Variants in OPCML observed in about 807,000 individuals in gnomAD.
The protein encoded by OPCML is opioid-binding protein/cell adhesion molecule.
A neutral mutation model predicts 37.8 loss-of-function variants in OPCML; 13 were observed. The observed-to-expected ratio is 0.34, with a 90% CI of 0.22 to 0.55. The LOEUF (loss-of-function observed/expected upper bound fraction) is 0.55. Ranked by LOEUF, OPCML falls within the 20% of genes least tolerant of loss-of-function variation. The pLI is 0.91. For synonymous variants in OPCML, 176 were observed against 168.8 expected (o/e 1.04, Z -0.33); for missense variants, 341 against 435.6 (o/e 0.78, Z 1.93).
chr11:133,260,675 T>C (rs1941462909), intron 1 of OPCML, among the ~76,000 whole-genome samples: 1 of 149,486 alleles, frequency 6.7e-6, no homozygotes, highest in African/African-American at 2.6e-5. Context: ...AAACTAAAAA[T>C]TAAATTAAAC....
intron 1 of OPCML, among the ~76,000 whole-genome samples, chr11:133,345,647 T>C (rs772080144): frequency 8.5e-5 from 13 of 152,342 alleles, no homozygotes; most frequent in South Asian, 6.2e-4. Flanking sequence ...TAAACCAAGA[T>C]GTGCTGCTTT....
intron 1 of OPCML, among the ~76,000 whole-genome samples, chr11:133,008,638 G>A (rs1430401664): frequency 6.6e-6 from 1 of 152,192 alleles, no homozygotes; most frequent in African/African-American, 2.4e-5. Context: ...AGGGCTATAT[G>A]GGAGTGGAAG....
At chr11:132,729,714 T>C (rs923577586) in intron 2 of OPCML, among the ~76,000 whole-genome samples, 5 of 152,234 alleles carry the variant, frequency 3.3e-5, no homozygotes, top group African/African-American at 1.2e-4. Flanking sequence ...TGGTTTGCAT[T>C]CAAATGCCTT....
intron 1 of OPCML, among the ~76,000 whole-genome samples, chr11:133,348,817 A>G (rs1003052510): frequency 1.3e-5 from 2 of 152,140 alleles, no homozygotes; most frequent in Non-Finnish European, 2.9e-5. Context: ...ATCGATATTT[A>G]TACCGTAATT....
chr11:132,540,881 A>G (rs2137366818), intron 3 of OPCML, among the ~76,000 whole-genome samples: 1 of 152,320 alleles, frequency 6.6e-6, no homozygotes, highest in South Asian at 2.1e-4. Flanking sequence ...GCAGCAAAAG[A>G]GTCTTTCTTG....
intron 3 of OPCML, among the ~76,000 whole-genome samples, chr11:132,632,927 A>G (rs534107411): frequency 1.2e-4 from 18 of 150,728 alleles, no homozygotes; most frequent in Admixed American, 6.6e-4. Context: ...ATACCTAACT[A>G]ATGATGTTCT....
intron 3 of OPCML, among the ~76,000 whole-genome samples, chr11:132,579,413 G>GTGTGTT: frequency 6.6e-6 from 1 of 151,914 alleles, no homozygotes; most frequent in East Asian, 1.9e-4. Context: ...GTGTGTGTGT[G>GTGTGTT]TGTGATGAGG....
intron 1 of OPCML, among the ~76,000 whole-genome samples, chr11:133,442,820 G>T (rs1006972323): frequency 2.0e-5 from 3 of 151,640 alleles, no homozygotes; most frequent in Non-Finnish European, 4.4e-5. Context: ...ATGAGTTTAT[G>T]TGTAATCATT....
At chr11:132,684,080 C>A (rs1039171691) in intron 2 of OPCML, among the ~76,000 whole-genome samples, 1 of 151,998 alleles carries the variant, frequency 6.6e-6, no homozygotes, top group African/African-American at 2.4e-5. Context: ...ATCCCTTTTG[C>A]AAATAAAGAT....
chr11:133,221,907 A>G (rs2136365097), intron 1 of OPCML, among the ~76,000 whole-genome samples: 1 of 152,342 alleles, frequency 6.6e-6, no homozygotes, highest in East Asian at 1.9e-4. Context: ...AGGAAAAATA[A>G]CTAATGTTCT....
chr11:132,535,319 T>A (rs551770034), intron 3 of OPCML, among the ~76,000 whole-genome samples: 1 of 152,040 alleles, frequency 6.6e-6, no homozygotes, highest in Non-Finnish European at 1.5e-5. Context: ...AGAAATTGGC[T>A]TTTAAAATGT....
intron 1 of OPCML, among the ~76,000 whole-genome samples, chr11:133,014,730 G>T (rs1947287797): frequency 6.6e-6 from 1 of 152,226 alleles, no homozygotes; most frequent in Admixed American, 6.5e-5. Flanking sequence ...GAAGGAGAGA[G>T]AAAGAAGTAA....
intron 1 of OPCML, among the ~76,000 whole-genome samples, chr11:133,502,786 T>A (rs1373334019): frequency 6.6e-6 from 1 of 152,130 alleles, no homozygotes; most frequent in African/African-American, 2.4e-5. Context: ...CCGTTGCCTA[T>A]GTTTAAATGT....
chr11:133,093,752 T>C (rs1316622138), intron 1 of OPCML, among the ~76,000 whole-genome samples: 2 of 150,560 alleles, frequency 1.3e-5, no homozygotes, highest in African/African-American at 2.4e-5. Flanking sequence ...AGGTTCTTCA[T>C]GCTAAGGTTA....
intron 2 of OPCML, among the ~76,000 whole-genome samples, chr11:132,691,505 T>C (rs2135890283): frequency 6.6e-6 from 1 of 152,362 alleles, no homozygotes; most frequent in East Asian, 1.9e-4. Flanking sequence ...CTCTGCAGTG[T>C]CATAGGGCTT....
At position 132,416,962 on chromosome 11, in the gene OPCML, A is replaced by G. The variant is rs1217144762; in HGVS notation, c.*3231T>C. 1 of 152,648 alleles carries G rather than the reference A, an allele frequency of 6.6e-6. No individual in the cohort carries two copies. The highest frequency in any genetic ancestry group is 2.4e-5 in the African/African-American group (1 of 41,452). The allele number at this position is 152,648 out of a possible 1,614,324, so 9.5% of individuals were successfully genotyped here. ...TGGCATTACTTTGGTGGAAGTGCAT[A>G]TGAACTCTGTTTTGGGAAGGGGAAG... On this transcript the variant is annotated 3_prime_UTR_variant, in exon 8 of 8. Transcript: ENST00000524381.
chr11:133,118,501 A>G lies in OPCML; in HGVS notation c.62-175491T>C, dbSNP rs571312744. ...GCCTCCATTTGGTCAAGGAGACAGG[A>G]TGGAGAGAATTGCTCAGTAGCAAGA... On this transcript the variant is annotated intron_variant, in intron 1 of 7. Coordinates refer to ENST00000524381, the MANE Select transcript of OPCML (RefSeq NM_001012393.5). 6.4e-6 allele frequency: 5 copies of G among 778,154 alleles called. No homozygotes were observed. In the South Asian group the frequency reaches 2.3e-4, roughly 36 times the overall value. The allele number at this position is 778,154 out of a possible 1,614,324, so 48.2% of individuals were successfully genotyped here.
chr11:133,030,883 G>A (rs987517679), intron 1 of OPCML, among the ~76,000 whole-genome samples: 20 of 148,818 alleles, frequency 1.3e-4, no homozygotes, highest in African/African-American at 4.5e-4. Context: ...TCAGAGTTTG[G>A]ACTTTTTTTT....
intron 1 of OPCML, among the ~76,000 whole-genome samples, chr11:133,014,287 C>T (rs944042558): frequency 2.0e-5 from 3 of 152,020 alleles, no homozygotes; most frequent in Non-Finnish European, 4.4e-5. Flanking sequence ...CTCTCGTGTG[C>T]ATATGAAATG....
Sources: allele counts gnomAD v4.1 joint callset (sites outside exome capture counted in the v4.1 genomes callset), GRCh38; gene constraint gnomAD v4.1.1; transcripts MANE v1.5; gene names NCBI Gene and HGNC (gene_info 2026-07-23, HGNC 2026-07-21).